The following SLC25A26 variants were observed in gnomAD, a reference collection of about 807,000 sequenced individuals.
SLC25A26 encodes the protein solute carrier family 25 member 26, also known as mitochondrial S-adenosylmethionine carrier protein.
In SLC25A26, 36 loss-of-function variants were observed where a neutral mutation model predicts 37.8. That is an observed-to-expected ratio of 0.95 (90% CI 0.73 to 1.26). SLC25A26 has a LOEUF of 1.26. Among genes scored for constraint, SLC25A26 ranks in the 50% most tolerant of loss-of-function variants. The pLI is 0.00. For missense variants in SLC25A26, 390 were observed against 331.1 expected (o/e 1.18, Z -1.38); for synonymous variants, 129 against 122.5 (o/e 1.05, Z -0.35).
At chr3:66,369,338 T>G (rs1169518763) in intron 7 of SLC25A26, 140 bp from the exon 8 acceptor site, 4 of 670,214 alleles carry the variant, frequency 6.0e-6, no homozygotes, top group Non-Finnish European at 1.1e-5. Flanking sequence ...GGATAAAGAT[T>G]GTGCATGTGT....
intron 5 of SLC25A26, among the ~76,000 whole-genome samples, chr3:66,343,510 G>A (rs1026199620): frequency 6.6e-6 from 1 of 152,128 alleles, no homozygotes; most frequent in Non-Finnish European, 1.5e-5. Flanking sequence ...CCAAATGTGT[G>A]ATTTTAAAAT....
chr3:66,372,162 C>A (rs991126691), intron 9 of SLC25A26, among the ~76,000 whole-genome samples: 1 of 152,214 alleles, frequency 6.6e-6, no homozygotes, highest in Non-Finnish European at 1.5e-5. Context: ...GGAGAAGTCA[C>A]ATTCAGTGGC....
At chr3:66,190,329 A>C (rs1358360455) in intron 1 of SLC25A26, among the ~76,000 whole-genome samples, 1 of 152,068 alleles carries the variant, frequency 6.6e-6, no homozygotes, top group Non-Finnish European at 1.5e-5. Flanking sequence ...AAAAAAAGAA[A>C]AAAAGAAAAG....
intron 1 of SLC25A26, among the ~76,000 whole-genome samples, chr3:66,195,289 T>A (rs1410174963): frequency 1.3e-5 from 2 of 152,188 alleles, no homozygotes; most frequent in Admixed American, 6.5e-5. Context: ...CCTGTGCTGA[T>A]CTTTGGGGGA....
chr3:66,156,632 T>G (rs1446165155), intron 1 of SLC25A26, among the ~76,000 whole-genome samples: 4 of 152,154 alleles, frequency 2.6e-5, no homozygotes, highest in Non-Finnish European at 5.9e-5. Flanking sequence ...AGGGGATAAT[T>G]GGAGGCAAAC....
intron 1 of SLC25A26, among the ~76,000 whole-genome samples, chr3:66,203,943 T>G (rs1452421750): frequency 1.3e-5 from 2 of 152,138 alleles, no homozygotes; most frequent in African/African-American, 4.8e-5. Flanking sequence ...TATTCCAAAT[T>G]TAGCCCCGAT....
At position 66,163,041 on chromosome 3, in the gene SLC25A26, G is replaced by T. The variant is rs187369538; in HGVS notation, c.-354+29057G>T. 1.1e-4 allele frequency among the ~76,000 whole-genome samples: 17 copies of T among 152,258 alleles called. No homozygotes were observed. In the South Asian group the frequency reaches 1.7e-3, roughly 15 times the overall value. ...CAGCCTCCTTTCTGAGGAGTGAACC[G>T]CATCTCTAGCTTGTCTTCCAAGAAG... On this transcript the variant is annotated intron_variant, in intron 1 of 10. Transcript: ENST00000676754.
chr3:66,181,946 G>A (rs536741042), intron 1 of SLC25A26, among the ~76,000 whole-genome samples: 45 of 152,212 alleles, frequency 3.0e-4, no homozygotes, highest in Non-Finnish European at 5.9e-4. Flanking sequence ...GTGCCCGTGT[G>A]CCCACATTTG....
chr3:66,371,319 T>C (rs1475281627), intron 9 of SLC25A26: 1 of 1,549,550 alleles, frequency 6.5e-7, no homozygotes, highest in East Asian at 2.4e-5. Flanking sequence ...CTCCTCATCC[T>C]GATGCCGAGT....
At chr3:66,324,066 A>G (rs1233276539) in intron 5 of SLC25A26, 1 of 152,304 alleles carries the variant, frequency 6.6e-6, no homozygotes, top group Non-Finnish European at 1.5e-5. Context: ...AGAGTAGGTC[A>G]AAACTCCCAT....
chr3:66,363,644 T>A (rs1265300168), intron 7 of SLC25A26, among the ~76,000 whole-genome samples: 1 of 152,192 alleles, frequency 6.6e-6, no homozygotes, highest in African/African-American at 2.4e-5. Flanking sequence ...GAATTATAGT[T>A]GAAATACAAT....
chr3:66,135,460 T>C (rs1452975397), intron 1 of SLC25A26, among the ~76,000 whole-genome samples: 2 of 152,226 alleles, frequency 1.3e-5, no homozygotes, highest in Admixed American at 6.5e-5. Flanking sequence ...TATTTTAATG[T>C]GAACAATTGT....
At chr3:66,230,007 CTGACTTT>C (rs2071936313) in intron 1 of SLC25A26, among the ~76,000 whole-genome samples, 1 of 152,228 alleles carries the variant, frequency 6.6e-6, no homozygotes, top group Non-Finnish European at 1.5e-5. Flanking sequence ...ATAGCTGACC[CTGACTTT>C]TGATTGTCAC....
intron 5 of SLC25A26, among the ~76,000 whole-genome samples, chr3:66,305,770 C>T (rs1026016127): frequency 1.4e-4 from 22 of 152,010 alleles, no homozygotes; most frequent in African/African-American, 4.6e-4. Context: ...CATACATGTG[C>T]GTGTGTCTTT....
intron 1 of SLC25A26, among the ~76,000 whole-genome samples, chr3:66,149,469 G>T (rs2070168392): frequency 1.3e-5 from 2 of 152,194 alleles, no homozygotes; most frequent in African/African-American, 4.8e-5. Context: ...ATGTTACTTT[G>T]AGGTATATTT....
At chr3:66,310,565 G>C (rs1307734395) in intron 5 of SLC25A26, among the ~76,000 whole-genome samples, 1 of 152,206 alleles carries the variant, frequency 6.6e-6, no homozygotes, top group Non-Finnish European at 1.5e-5. Context: ...TTGCACATTA[G>C]TTGATGCAGT....
intron 6 of SLC25A26, among the ~76,000 whole-genome samples, chr3:66,351,604 C>T (rs2076455546): frequency 1.3e-5 from 2 of 152,096 alleles, no homozygotes; most frequent in African/African-American, 4.8e-5. Context: ...AGCCTCAGAT[C>T]ACCAGCTGCC....
chr3:66,294,709 CAGT>C (rs2074837643), intron 5 of SLC25A26, among the ~76,000 whole-genome samples: 1 of 152,080 alleles, frequency 6.6e-6, no homozygotes, highest in African/African-American at 2.4e-5. Flanking sequence ...ATTCATGTAG[CAGT>C]AGGACAAAAG....
upstream of SLC25A26, chr3:66,220,782 T>C: frequency 6.2e-6 from 3 of 481,756 alleles, no homozygotes; most frequent in South Asian, 2.3e-5. Flanking sequence ...TGCTCTCTCC[T>C]GGATCTCGGC....
Sources: allele counts gnomAD v4.1 joint callset (sites outside exome capture counted in the v4.1 genomes callset), GRCh38; gene constraint gnomAD v4.1.1; transcripts MANE v1.5; gene names NCBI Gene and HGNC (gene_info 2026-07-23, HGNC 2026-07-21).